Variants in CRY1 observed in about 807,000 individuals in gnomAD.
CRY1 encodes cryptochrome circadian regulator 1, also known as cryptochrome-1.
In CRY1, 45 loss-of-function variants were observed where a neutral mutation model predicts 76.0. The observed-to-expected ratio is 0.59, with a 90% CI of 0.47 to 0.76. The LOEUF is 0.76. Ranked by LOEUF, CRY1 falls within the 30% of genes least tolerant of loss-of-function variation. The pLI is 0.00. For synonymous variants in CRY1, 248 were observed against 244.0 expected (o/e 1.02, Z -0.15); for missense variants, 587 against 716.4 (o/e 0.82, Z 2.06).
chr12:107,015,217 A>G (rs1566248212), intron 2 of CRY1, among the ~76,000 whole-genome samples: 1 of 152,222 alleles, frequency 6.6e-6, no homozygotes, highest in Non-Finnish European at 1.5e-5. Flanking sequence ...GGGTTCAAAC[A>G]AAATAAGAGG....
intron 1 of CRY1, among the ~76,000 whole-genome samples, chr12:107,061,048 T>G (rs1953040551): frequency 6.6e-6 from 1 of 152,184 alleles, no homozygotes; most frequent in African/African-American, 2.4e-5. Context: ...GAAGTCTGTG[T>G]TTATTAAACT....
chr12:107,053,988 G>A (rs1952953501), intron 1 of CRY1, among the ~76,000 whole-genome samples: 1 of 152,164 alleles, frequency 6.6e-6, no homozygotes, highest in African/African-American at 2.4e-5. Flanking sequence ...ACCTAAGAGA[G>A]TTTACCATCA....
intron 10 of CRY1, among the ~76,000 whole-genome samples, chr12:106,996,217 G>T (rs536153361): frequency 5.3e-5 from 8 of 152,294 alleles, no homozygotes; most frequent in African/African-American, 1.9e-4. Context: ...GCAAGAACAT[G>T]AGGTGTTTGG....
chr12:107,070,862 G>A (rs957564118), intron 1 of CRY1, among the ~76,000 whole-genome samples: 6 of 104,996 alleles, frequency 5.7e-5, no homozygotes. Flanking sequence ...CACCATGCCT[G>A]GCTAATTTTT....
Position 107,092,862 on chromosome 12 carries a change from C to T in CRY1, c.100G>A (p.Val34Ile), listed in dbSNP as rs1232873760. Residue 34 changes from valine to isoleucine, a missense_variant, in exon 1 of 13, where the codon GTC becomes ATC. By Grantham distance (29) the Val-to-Ile change is conservative. Transcript: ENST00000008527. ...CIQGADTIRC[V>I]YILDPWFAGS... ...GCGAACCAGGGGTCCAGGATGTAGA[C>T]GCAGCGGATGGTGTCGGCGCCCTGA... is the stretch of plus-strand genomic sequence containing the variant. 1.2e-6 allele frequency: 2 copies of T among 1,611,182 alleles called. No individual in the cohort carries two copies. Among genetic ancestry groups the T allele is most frequent in the South Asian group, 1.1e-5 (1 of 90,772 alleles).
At chr12:107,086,819 G>A (rs1236144135) in intron 1 of CRY1, among the ~76,000 whole-genome samples, 1 of 152,216 alleles carries the variant, frequency 6.6e-6, no homozygotes, top group Non-Finnish European at 1.5e-5. Context: ...ATTCTACTAG[G>A]CTGGTGCCAA....
intron 1 of CRY1, among the ~76,000 whole-genome samples, chr12:107,029,187 A>G (rs924896366): frequency 1.3e-5 from 2 of 152,116 alleles, no homozygotes; most frequent in African/African-American, 4.8e-5. Context: ...ACGTGCATGC[A>G]CACTATGGCA....
intron 1 of CRY1, among the ~76,000 whole-genome samples, chr12:107,087,411 G>T (rs1953416165): frequency 6.6e-6 from 1 of 152,262 alleles, no homozygotes; most frequent in African/African-American, 2.4e-5. Context: ...AGATGGGGCT[G>T]CCCAAGGCTT....
intron 1 of CRY1, among the ~76,000 whole-genome samples, chr12:107,090,703 T>G (rs751278952): frequency 7.9e-5 from 12 of 152,214 alleles, no homozygotes; most frequent in Non-Finnish European, 1.8e-4. Flanking sequence ...GTTCAATAAA[T>G]GGTTGGATGA....
At chr12:107,037,470 T>G (rs923129150) in intron 1 of CRY1, among the ~76,000 whole-genome samples, 1 of 151,872 alleles carries the variant, frequency 6.6e-6, no homozygotes, top group Non-Finnish European at 1.5e-5. Flanking sequence ...AGGTGGAGGT[T>G]GCAGTGAGCC....
chr12:107,010,617 T>C (rs1416811257), intron 2 of CRY1, among the ~76,000 whole-genome samples: 2 of 151,046 alleles, frequency 1.3e-5, no homozygotes, highest in Non-Finnish European at 3.0e-5. Flanking sequence ...ATCTCTTCTC[T>C]TTTTTTTTAA....
chr12:107,047,045 A>G (rs567639063), intron 1 of CRY1, among the ~76,000 whole-genome samples: 2 of 152,340 alleles, frequency 1.3e-5, no homozygotes, highest in African/African-American at 4.8e-5. Flanking sequence ...GACATTTAGA[A>G]CACTTCGTTC....
At position 107,093,045 on chromosome 12, in the gene CRY1, A is replaced by G. The variant is rs1372381949; in HGVS notation, c.-84T>C. On this transcript the variant is annotated 5_prime_UTR_variant, in exon 1 of 13. Transcript: ENST00000008527. ...AGCCGACACCTTCGCTTCCAAGAGA[A>G]TTGCCTCACCCGGGGCGTGAGGAAA... 3 of 1,412,890 alleles carry G rather than the reference A, an allele frequency of 2.1e-6. No homozygotes were observed. Among genetic ancestry groups the G allele is most frequent in the Non-Finnish European group, 2.8e-6 (3 of 1,080,634 alleles). 87.5% of individuals were successfully genotyped at this position (1,412,890 alleles called of 1,614,324 possible).
chr12:107,030,141 A>C (rs1952659871), intron 1 of CRY1, among the ~76,000 whole-genome samples: 1 of 152,186 alleles, frequency 6.6e-6, no homozygotes, highest in Non-Finnish European at 1.5e-5. Context: ...TGACTAAATA[A>C]ATTAATGAAA....
At chr12:107,000,108 T>G (rs370971308) in intron 5 of CRY1, 26 bp from the exon 6 acceptor site, 37 of 1,564,478 alleles carry the variant, frequency 2.4e-5, no homozygotes, top group Non-Finnish European at 2.9e-5. Context: ...GAAAATTATA[T>G]TAACTAATTG....
intron 10 of CRY1, 43 bp downstream of exon 10, chr12:106,997,251 A>T (rs1240282781): frequency 6.8e-7 from 1 of 1,466,878 alleles, no homozygotes; most frequent in Non-Finnish European, 9.5e-7. Flanking sequence ...TTGTTTAATA[A>T]CCTCTTCATG....
At chr12:107,054,844 AG>A (rs527549758) in intron 1 of CRY1, among the ~76,000 whole-genome samples, 233 of 152,188 alleles carry the variant, frequency 1.5e-3, no homozygotes, top group African/African-American at 5.1e-3. Flanking sequence ...CGTAATGATA[AG>A]AACAAAAGCC....
chr12:107,054,803 A>G (rs993459931), intron 1 of CRY1, among the ~76,000 whole-genome samples: 1 of 152,052 alleles, frequency 6.6e-6, no homozygotes, highest in Non-Finnish European at 1.5e-5. Context: ...TCATCTAAAT[A>G]TATACATATT....
chr12:107,059,774 G>C (rs1027286528), intron 1 of CRY1, among the ~76,000 whole-genome samples: 1 of 150,132 alleles, frequency 6.7e-6, no homozygotes, highest in African/African-American at 2.5e-5. Context: ...AAAACAAAAT[G>C]AATCTACACA....
Sources: gnomAD v4.1 joint callset for allele counts (sites outside exome capture counted in the v4.1 genomes callset) on GRCh38, gnomAD v4.1.1 for gene constraint, MANE v1.5 for transcripts, NCBI Gene and HGNC (gene_info 2026-07-23, HGNC 2026-07-21) for gene names.